The following GRM8 variants were observed in gnomAD, a reference collection of about 807,000 sequenced individuals.
The protein encoded by GRM8 is glutamate metabotropic receptor 8.
In GRM8, 47 loss-of-function variants were observed where a neutral mutation model predicts 87.2. The ratio of observed to expected loss-of-function variants is 0.54; its 90% CI spans 0.43 to 0.69. The LOEUF is 0.69. Among genes scored for constraint, GRM8 ranks in the 30% least tolerant of loss-of-function variants. GRM8 has a pLI of 0.00. For synonymous variants in GRM8, 396 were observed against 404.5 expected (o/e 0.98, Z 0.25); for missense variants, 1,019 against 1,139.2 (o/e 0.89, Z 1.52).
intron 3 of GRM8, among the ~76,000 whole-genome samples, chr7:126,972,857 G>C (rs1810569685): frequency 6.6e-6 from 1 of 152,150 alleles, no homozygotes; most frequent in South Asian, 2.1e-4. Context: ...AAAACCATTA[G>C]AGCCTAGTAT....
At chr7:127,130,414 C>CA (rs1563532353) in intron 2 of GRM8, among the ~76,000 whole-genome samples, 2 of 152,150 alleles carry the variant, frequency 1.3e-5, no homozygotes, top group South Asian at 4.1e-4. Flanking sequence ...ATGGTTTTGA[C>CA]AAAAATGCTG....
chr7:126,543,378 C>T (rs988894899), intron 8 of GRM8, among the ~76,000 whole-genome samples: 11 of 152,152 alleles, frequency 7.2e-5, no homozygotes, highest in African/African-American at 2.4e-4. Flanking sequence ...GTGATTCTGA[C>T]ACATGCAAGT....
intron 9 of GRM8, among the ~76,000 whole-genome samples, chr7:126,484,365 A>G (rs1563058324): frequency 6.6e-6 from 1 of 152,062 alleles, no homozygotes; most frequent in Non-Finnish European, 1.5e-5. Flanking sequence ...ATGGAATGAC[A>G]TCTAGAAAAG....
chr7:127,156,801 T>C (rs1178507574), intron 2 of GRM8, among the ~76,000 whole-genome samples: 1 of 152,074 alleles, frequency 6.6e-6, no homozygotes, highest in East Asian at 1.9e-4. Flanking sequence ...GAGAGATTAT[T>C]GATAACATGA....
intron 2 of GRM8, among the ~76,000 whole-genome samples, chr7:127,194,416 T>C (rs929303964): frequency 2.6e-5 from 4 of 152,204 alleles, no homozygotes; most frequent in Non-Finnish European, 5.9e-5. Context: ...GGTTATCTTC[T>C]AAATATCCAT....
intron 6 of GRM8, among the ~76,000 whole-genome samples, chr7:126,885,832 A>T (rs1276176257): frequency 2.6e-5 from 4 of 152,182 alleles, no homozygotes; most frequent in Non-Finnish European, 5.9e-5. Flanking sequence ...CTGAAATAAA[A>T]ACAGGAAATC....
intron 6 of GRM8, among the ~76,000 whole-genome samples, chr7:126,891,281 T>A (rs541611817): frequency 1.9e-3 from 295 of 152,066 alleles, no homozygotes; most frequent in Non-Finnish European, 3.4e-3. Context: ...AGTGCAACCA[T>A]CATAGGCTGG....
chr7:126,956,442 G>A (rs1284774891), intron 3 of GRM8, among the ~76,000 whole-genome samples: 1 of 152,110 alleles, frequency 6.6e-6, no homozygotes, highest in Non-Finnish European at 1.5e-5. Flanking sequence ...TCTGACAGTA[G>A]GTATTCAATA....
intron 2 of GRM8, among the ~76,000 whole-genome samples, chr7:127,220,008 C>A (rs1796819633): frequency 6.6e-6 from 1 of 152,216 alleles, no homozygotes; most frequent in South Asian, 2.1e-4. Flanking sequence ...AATCTTCCTA[C>A]CGCCCCAACC....
intron 2 of GRM8, among the ~76,000 whole-genome samples, chr7:127,203,609 G>T (rs1451519670): frequency 2.6e-5 from 4 of 152,098 alleles, no homozygotes; most frequent in Non-Finnish European, 5.9e-5. Flanking sequence ...TTGGGAGGCT[G>T]AGCCAGGAGA....
At chr7:126,823,987 G>A (rs1794529542) in intron 6 of GRM8, among the ~76,000 whole-genome samples, 1 of 152,122 alleles carries the variant, frequency 6.6e-6, no homozygotes, top group Admixed American at 6.5e-5. Flanking sequence ...CAGAGGTTCA[G>A]GGAGAGAGAA....
At chr7:126,878,421 T>C (rs1799715947) in intron 6 of GRM8, among the ~76,000 whole-genome samples, 1 of 152,190 alleles carries the variant, frequency 6.6e-6, no homozygotes, top group African/African-American at 2.4e-5. Context: ...CTTCAAGTTC[T>C]GCCAGCCTTT....
intron 6 of GRM8, among the ~76,000 whole-genome samples, chr7:126,780,557 C>T (rs559671986): frequency 5.4e-4 from 82 of 152,188 alleles, no homozygotes; most frequent in African/African-American, 1.9e-3. Context: ...ACTGGGACTA[C>T]GATCTGAAAG....
chr7:126,716,097 A>C (rs1468157), intron 7 of GRM8, among the ~76,000 whole-genome samples: 29,080 of 152,182 alleles, frequency 0.19, 2,995 homozygotes, highest in African/African-American at 0.26. Flanking sequence ...GTGCTTAATA[A>C]TACTCAGTTT....
intron 6 of GRM8, among the ~76,000 whole-genome samples, chr7:126,806,030 T>C (rs1043554262): frequency 2.0e-5 from 3 of 152,208 alleles, no homozygotes; most frequent in African/African-American, 7.2e-5. Context: ...GTCCCTGATG[T>C]TCAGCCTACT....
intron 2 of GRM8, among the ~76,000 whole-genome samples, chr7:127,159,039 G>A (rs1162172773): frequency 2.0e-5 from 3 of 152,174 alleles, no homozygotes; most frequent in East Asian, 1.9e-4. Flanking sequence ...TGGAAATTAC[G>A]CTGATGCATT....
intron 6 of GRM8, among the ~76,000 whole-genome samples, chr7:126,771,992 C>A (rs1422300055): frequency 6.6e-6 from 1 of 152,080 alleles, no homozygotes; most frequent in Non-Finnish European, 1.5e-5. Flanking sequence ...ACTGCTTGTT[C>A]CCAGAATCAT....
intron 9 of GRM8, among the ~76,000 whole-genome samples, chr7:126,496,229 G>C (rs1017142765): frequency 6.6e-6 from 1 of 151,924 alleles, no homozygotes; most frequent in African/African-American, 2.4e-5. Context: ...AGGAAGAAAG[G>C]GAGACAGTGT....
intron 7 of GRM8, among the ~76,000 whole-genome samples, chr7:126,758,158 T>C (rs899623403): frequency 2.6e-5 from 4 of 152,280 alleles, no homozygotes; most frequent in East Asian, 3.9e-4. Flanking sequence ...AGTTTTTATG[T>C]GTGTATGCTT....
Sources: gnomAD v4.1 joint callset for allele counts (sites outside exome capture counted in the v4.1 genomes callset) on GRCh38, gnomAD v4.1.1 for gene constraint, MANE v1.5 for transcripts, NCBI Gene and HGNC (gene_info 2026-07-23, HGNC 2026-07-21) for gene names.